CDIN1: variants seen among roughly 807,000 people sequenced by gnomAD.
CDIN1 encodes CDAN1 interacting nuclease 1.
A neutral mutation model predicts 45.3 loss-of-function variants in CDIN1; 33 were observed. That is an observed-to-expected ratio of 0.73 (90% CI 0.55 to 0.97). The LOEUF (loss-of-function observed/expected upper bound fraction) is 0.97, where lower values mean the gene tolerates loss of function less well. Among genes scored for constraint, CDIN1 ranks in the 50% least tolerant of loss-of-function variants. CDIN1 has a pLI of 0.00. For synonymous variants in CDIN1, 118 were observed against 124.4 expected (o/e 0.95, Z 0.34); for missense variants, 303 against 339.4 (o/e 0.89, Z 0.84).
intron 5 of CDIN1, among the ~76,000 whole-genome samples, chr15:36,658,646 T>C (rs932101174): frequency 1.3e-5 from 2 of 152,192 alleles, no homozygotes; most frequent in Admixed American, 6.5e-5. Context: ...TATTACCTAG[T>C]ATAATGTTTA....
At position 36,654,131 on chromosome 15, in the gene CDIN1, C is replaced by T. The variant is rs1047966309; in HGVS notation, c.246C>T (p.Ala82=). 3.2e-6 allele frequency: 5 copies of T among 1,577,312 alleles called. No individual in the cohort carries two copies. The highest frequency in any genetic ancestry group is 1.3e-5 in the African/African-American group (1 of 74,444). ...ATGGAGTGGTGAAAAATGGAGCTGC[C>T]CCAGTGCTCCTGGACCTGGCCAATG... The part of the protein sequence containing the change: ...YLNGVVKNGA[A]PVLLDLANEV... Residue 82 remains alanine (A), a synonymous_variant, in exon 4 of 11, where the codon GCC becomes GCT. Transcript: ENST00000566621.
intron 10 of CDIN1, among the ~76,000 whole-genome samples, chr15:36,734,194 A>G (rs1410161245): frequency 6.6e-6 from 1 of 152,110 alleles, no homozygotes; most frequent in Non-Finnish European, 1.5e-5. Context: ...AGGAACATCT[A>G]TAGTAGTCTT....
intron 5 of CDIN1, among the ~76,000 whole-genome samples, chr15:36,671,915 T>C (rs2041466923): frequency 1.3e-5 from 2 of 152,140 alleles, no homozygotes; most frequent in Non-Finnish European, 2.9e-5. Flanking sequence ...AACTTCAGAA[T>C]ACATCAGTTT....
intron 1 of CDIN1, among the ~76,000 whole-genome samples, chr15:36,636,378 C>T (rs1163980200): frequency 1.3e-5 from 2 of 152,160 alleles, no homozygotes; most frequent in Admixed American, 1.3e-4. Flanking sequence ...TGGTGAAACC[C>T]CATCTCTACT....
At chr15:36,731,312 A>C (rs143710915) in intron 10 of CDIN1, among the ~76,000 whole-genome samples, 1 of 152,104 alleles carries the variant, frequency 6.6e-6, no homozygotes, top group Non-Finnish European at 1.5e-5. Flanking sequence ...CAAAATAGGT[A>C]CTTAATTGCC....
chr15:36,671,213 G>C (rs1193822821), intron 5 of CDIN1, among the ~76,000 whole-genome samples: 1 of 152,134 alleles, frequency 6.6e-6, no homozygotes. Context: ...TGTCCTTGGG[G>C]ATGAAGGAAG....
At chr15:36,749,708 C>T (rs1316367786) in intron 10 of CDIN1, among the ~76,000 whole-genome samples, 3 of 152,158 alleles carry the variant, frequency 2.0e-5, no homozygotes, top group African/African-American at 7.2e-5. Context: ...TTGTCAAGGC[C>T]AGCTTATTAG....
At position 36,808,347 on chromosome 15, in the gene CDIN1, A is replaced by C; in HGVS notation, c.740A>C (p.Tyr247Ser). ...WNRFGPGLVI[Y>S]WYGFIQELDC... ...AGATTTGGGCCAGGCTTAGTCATCT[A>C]TTGGTATGGATTTATCCAGGAGCTG... The change falls in exon 11 of 11, where the codon TAT becomes TCT. Residue 247 changes from tyrosine to serine, a missense_variant. Tyr to Ser is a moderately radical substitution (Grantham distance 144). Coordinates refer to ENST00000566621, the MANE Select transcript of CDIN1 (RefSeq NM_001321759.2). 1.9e-6 allele frequency: 3 copies of C among 1,613,436 alleles called. No individual in the cohort carries two copies. Among genetic ancestry groups the C allele is most frequent in the Non-Finnish European group, 2.5e-6 (3 of 1,179,562 alleles).
chr15:36,717,882 G>A (rs2043268612), intron 10 of CDIN1, among the ~76,000 whole-genome samples: 1 of 152,020 alleles, frequency 6.6e-6, no homozygotes, highest in South Asian at 2.1e-4. Flanking sequence ...TAATAGTTGT[G>A]TAAAAATGTG....
intron 10 of CDIN1, among the ~76,000 whole-genome samples, chr15:36,757,183 T>C (rs1595562275): frequency 1.3e-5 from 2 of 152,232 alleles, no homozygotes; most frequent in Admixed American, 1.3e-4. Flanking sequence ...AACCAGAGCT[T>C]TGTCACCTTA....
intron 10 of CDIN1, among the ~76,000 whole-genome samples, chr15:36,768,284 T>C (rs550712654): frequency 2.0e-5 from 3 of 152,324 alleles, no homozygotes; most frequent in Admixed American, 2.0e-4. Flanking sequence ...TTGGTCCAAG[T>C]CCTAGGATCC....
At chr15:36,658,715 A>G (rs1045242755) in intron 5 of CDIN1, among the ~76,000 whole-genome samples, 4 of 152,238 alleles carry the variant, frequency 2.6e-5, no homozygotes, top group East Asian at 1.9e-4. Context: ...CTTTATGCAC[A>G]TAATCTTCCC....
At position 36,800,903 on chromosome 15, in the gene CDIN1, GTGTGTGTATATATATATATA is replaced by G. The variant is rs1452729319; in HGVS notation, c.717-7419_717-7400del. Reference sequence around the variant, plus strand: ...TATGTGTGTGTGTGTGTGTGTGTGTGTGTGTGTATATATATATATATATATATATATATATATATATGATT... The same window carrying G: ...TATGTGTGTGTGTGTGTGTGTGTGTGTATATATATATATATATATATGATT... On this transcript the variant is annotated intron_variant, in intron 10 of 10. Coordinates refer to ENST00000566621, the MANE Select transcript of CDIN1 (RefSeq NM_001321759.2). 6.0e-3 allele frequency among the ~76,000 whole-genome samples: 120 copies of G among 20,026 alleles called. 1 individual carries two copies. Among genetic ancestry groups the G allele is most frequent in the South Asian group, 0.052 (14 of 270 alleles). The allele number at this position is 20,026 out of a possible 152,430, so 13.1% of individuals were successfully genotyped here.
intron 10 of CDIN1, among the ~76,000 whole-genome samples, chr15:36,789,634 A>G (rs1016779978): frequency 6.6e-6 from 1 of 152,202 alleles, no homozygotes; most frequent in Non-Finnish European, 1.5e-5. Context: ...AATAGCTAGA[A>G]GAGAGGCTTA....
chr15:36,591,182 G>A (rs1484420010), intron 1 of CDIN1, among the ~76,000 whole-genome samples: 3 of 151,810 alleles, frequency 2.0e-5, no homozygotes, highest in African/African-American at 7.3e-5. Flanking sequence ...GAGGTGAAGA[G>A]TCATTTGAAT....
chr15:36,603,346 G>A (rs1020734998), intron 1 of CDIN1, among the ~76,000 whole-genome samples: 1 of 152,174 alleles, frequency 6.6e-6, no homozygotes, highest in Non-Finnish European at 1.5e-5. Context: ...TAAAGGGTTA[G>A]ATAATCTAAC....
chr15:36,604,274 C>CTT (rs34347558), intron 1 of CDIN1, among the ~76,000 whole-genome samples: 4 of 147,986 alleles, frequency 2.7e-5, no homozygotes, highest in Admixed American at 6.7e-5. Flanking sequence ...AGCCACCTGG[C>CTT]TTTTTTTTTT....
At chr15:36,692,102 A>T in intron 6 of CDIN1, 24 bp from the exon 7 acceptor site, 1 of 1,612,524 alleles carries the variant, frequency 6.2e-7, no homozygotes, top group Non-Finnish European at 8.5e-7. Context: ...CCCACCCCAG[A>T]CCCCTTTTCT....
At chr15:36,626,716 C>T in intron 1 of CDIN1, 2 of 430,458 alleles carry the variant, frequency 4.6e-6, no homozygotes, top group African/African-American at 2.1e-5. Context: ...TCTGGTTCAC[C>T]TGAAAATATC....
Sources: gnomAD v4.1 joint callset for allele counts (sites outside exome capture counted in the v4.1 genomes callset) on GRCh38, gnomAD v4.1.1 for gene constraint, MANE v1.5 for transcripts, NCBI Gene and HGNC (gene_info 2026-07-23, HGNC 2026-07-21) for gene names.